CDH18: variants seen among roughly 807,000 people sequenced by gnomAD.
The protein encoded by CDH18 is cadherin-18.
A neutral mutation model predicts 67.9 loss-of-function variants in CDH18; 31 were observed. That is an observed-to-expected ratio of 0.46 (90% confidence interval 0.34 to 0.62). The LOEUF (loss-of-function observed/expected upper bound fraction) is 0.62, where lower values mean the gene tolerates loss of function less well. Ranked by LOEUF, CDH18 falls within the 20% of genes least tolerant of loss-of-function variation. CDH18 has a pLI of 0.01. For missense variants in CDH18, 890 were observed against 975.5 expected (o/e 0.91, Z 1.17); for synonymous variants, 362 against 347.2 (o/e 1.04, Z -0.48).
chr5:19,849,351 T>C (rs1783379388), intron 2 of CDH18, among the ~76,000 whole-genome samples: 2 of 151,670 alleles, frequency 1.3e-5, no homozygotes, highest in South Asian at 2.1e-4. Context: ...CTAGAGTTAA[T>C]AGTAGAGGAT....
chr5:20,545,019 T>G (rs983914518), intron 1 of CDH18, among the ~76,000 whole-genome samples: 20 of 152,180 alleles, frequency 1.3e-4, no homozygotes, highest in African/African-American at 4.8e-4. Flanking sequence ...TGAAAGAAAT[T>G]GGCCAGAGCA....
At chr5:19,570,349 T>C (rs962050856) in intron 8 of CDH18, among the ~76,000 whole-genome samples, 2 of 152,142 alleles carry the variant, frequency 1.3e-5, no homozygotes, top group African/African-American at 4.8e-5. Context: ...GCTCTTGCTG[T>C]TAGTGTGACA....
At chr5:20,423,270 GA>G (rs1748006898) in intron 1 of CDH18, among the ~76,000 whole-genome samples, 1 of 151,194 alleles carries the variant, frequency 6.6e-6, no homozygotes, top group Admixed American at 6.6e-5. Flanking sequence ...AACAGATTCT[GA>G]TAATGGGATT....
At chr5:20,238,017 T>C (rs1258197366) in intron 2 of CDH18, among the ~76,000 whole-genome samples, 2 of 152,012 alleles carry the variant, frequency 1.3e-5, no homozygotes, top group African/African-American at 2.4e-5. Flanking sequence ...TATGGGAAAT[T>C]GATTTTTGAC....
chr5:20,455,721 CTAAAAT>C (rs1273614352), intron 1 of CDH18, among the ~76,000 whole-genome samples: 2 of 151,858 alleles, frequency 1.3e-5, no homozygotes, highest in Non-Finnish European at 2.9e-5. Context: ...ATTTATGATA[CTAAAAT>C]TAAACATTTA....
intron 1 of CDH18, among the ~76,000 whole-genome samples, chr5:20,265,536 C>A (rs10056849): frequency 0.11 from 16,596 of 151,508 alleles, 1,478 homozygotes; most frequent in African/African-American, 0.24. Context: ...AAAAGATTAT[C>A]GTAAGCTAAG....
chr5:19,555,559 T>C (rs1028459627), intron 8 of CDH18, among the ~76,000 whole-genome samples: 5 of 152,150 alleles, frequency 3.3e-5, no homozygotes, highest in Non-Finnish European at 7.3e-5. Flanking sequence ...ATAATCCCCC[T>C]GGGAATATAA....
intron 1 of CDH18, among the ~76,000 whole-genome samples, chr5:20,531,642 A>G (rs1311228476): frequency 1.3e-5 from 2 of 151,362 alleles, no homozygotes; most frequent in Non-Finnish European, 2.9e-5. Flanking sequence ...ACAGGAACAC[A>G]AAACCAAACA....
chr5:20,449,342 G>A (rs1750250943), intron 1 of CDH18, among the ~76,000 whole-genome samples: 1 of 151,898 alleles, frequency 6.6e-6, no homozygotes, highest in African/African-American at 2.4e-5. Flanking sequence ...AATTTTTATG[G>A]TAAGGCTAAA....
intron 1 of CDH18, among the ~76,000 whole-genome samples, chr5:20,509,040 T>G (rs1476867110): frequency 1.3e-5 from 2 of 152,206 alleles, no homozygotes; most frequent in Admixed American, 6.5e-5. Flanking sequence ...GTGCAATGAC[T>G]AAATTGAGTT....
intron 2 of CDH18, among the ~76,000 whole-genome samples, chr5:20,067,598 C>T (rs1262083719): frequency 6.6e-6 from 1 of 152,020 alleles, no homozygotes; most frequent in Admixed American, 6.6e-5. Context: ...CTACTTGTTT[C>T]CAATCTCAAA....
intron 1 of CDH18, among the ~76,000 whole-genome samples, chr5:20,558,358 T>C (rs997958409): frequency 6.6e-6 from 1 of 152,106 alleles, no homozygotes; most frequent in Non-Finnish European, 1.5e-5. Flanking sequence ...AGTGTTATCC[T>C]GGAGTTTGAG....
chr5:19,521,217 A>G (rs1200150754), intron 9 of CDH18, among the ~76,000 whole-genome samples: 8 of 152,224 alleles, frequency 5.3e-5, no homozygotes, highest in African/African-American at 1.9e-4. Context: ...AAATTTCTTT[A>G]CACAAAGAAT....
At chr5:19,865,549 T>C (rs1449964603) in intron 2 of CDH18, among the ~76,000 whole-genome samples, 2 of 152,022 alleles carry the variant, frequency 1.3e-5, no homozygotes, top group South Asian at 4.2e-4. Context: ...AAGTCATCTC[T>C]CCCCTACAGA....
intron 1 of CDH18, among the ~76,000 whole-genome samples, chr5:20,425,037 C>T (rs765275165): frequency 2.7e-5 from 4 of 150,262 alleles, no homozygotes; most frequent in South Asian, 2.1e-4. Flanking sequence ...AGAAACTGTC[C>T]GGATAATATG....
At chr5:19,593,081 G>T (rs974586734) in intron 6 of CDH18, among the ~76,000 whole-genome samples, 1 of 151,988 alleles carries the variant, frequency 6.6e-6, no homozygotes, top group Admixed American at 6.6e-5. Context: ...TGGACATTTA[G>T]ATTGTTTCCA....
intron 10 of CDH18, among the ~76,000 whole-genome samples, chr5:19,519,258 A>C (rs1186868050): frequency 1.3e-5 from 2 of 152,212 alleles, no homozygotes; most frequent in Non-Finnish European, 2.9e-5. Flanking sequence ...AGACATTGAG[A>C]TAGACATATA....
intron 2 of CDH18, among the ~76,000 whole-genome samples, chr5:20,212,171 A>G (rs185538576): frequency 1.3e-5 from 2 of 152,170 alleles, no homozygotes; most frequent in Non-Finnish European, 2.9e-5. Context: ...AACTGGAAGA[A>G]AGGGTATCAG....
At chr5:19,958,290 A>G (rs1796456460) in intron 2 of CDH18, among the ~76,000 whole-genome samples, 1 of 150,860 alleles carries the variant, frequency 6.6e-6, no homozygotes, top group Non-Finnish European at 1.5e-5. Flanking sequence ...ACAAACAAAC[A>G]TATAAACTTG....
Sources: gnomAD v4.1 joint callset for allele counts (sites outside exome capture counted in the v4.1 genomes callset) on GRCh38, gnomAD v4.1.1 for gene constraint, MANE v1.5 for transcripts, NCBI Gene and HGNC (gene_info 2026-07-23, HGNC 2026-07-21) for gene names.